NRG1: variants seen among roughly 807,000 people sequenced by gnomAD.
NRG1 encodes the protein pro-neuregulin-1, membrane-bound isoform.
In NRG1, 18 loss-of-function variants were observed where a neutral mutation model predicts 63.8. That is an observed-to-expected ratio of 0.28 (90% CI 0.19 to 0.42). The LOEUF (loss-of-function observed/expected upper bound fraction) is 0.42. Among genes scored for constraint, NRG1 ranks in the 10% least tolerant of loss-of-function variants. NRG1 has a pLI of 1.00. For missense variants in NRG1, 762 were observed against 814.7 expected (o/e 0.94, Z 0.79); for synonymous variants, 302 against 301.3 (o/e 1.00, Z -0.02).
At chr8:32,429,082 A>C (rs899258724) in intron 1 of NRG1, among the ~76,000 whole-genome samples, 9 of 152,044 alleles carry the variant, frequency 5.9e-5, no homozygotes, top group Non-Finnish European at 1.2e-4. Flanking sequence ...CAACATAGTC[A>C]CGTTGGACAT....
chr8:32,451,973 G>A (rs1290142343), intron 1 of NRG1, among the ~76,000 whole-genome samples: 1 of 151,986 alleles, frequency 6.6e-6, no homozygotes, highest in Non-Finnish European at 1.5e-5. Flanking sequence ...TCACAGGCTC[G>A]TGCTACCACG....
At chr8:32,467,769 A>G (rs1443232618) in intron 1 of NRG1, among the ~76,000 whole-genome samples, 1 of 152,172 alleles carries the variant, frequency 6.6e-6, no homozygotes, top group African/African-American at 2.4e-5. Flanking sequence ...GACAGCCAGA[A>G]CTGGTATGAT....
intron 1 of NRG1, among the ~76,000 whole-genome samples, chr8:32,267,218 T>C (rs995450709): frequency 6.6e-6 from 1 of 151,990 alleles, no homozygotes; most frequent in Non-Finnish European, 1.5e-5. Flanking sequence ...AAAAATATTC[T>C]TTCCATCCAT....
At chr8:31,860,356 G>A (rs957742506) in intron 1 of NRG1, among the ~76,000 whole-genome samples, 5 of 152,170 alleles carry the variant, frequency 3.3e-5, no homozygotes, top group Admixed American at 1.3e-4. Context: ...TATAATAGGA[G>A]AGCAGTTTTG....
At chr8:32,158,299 A>C (rs1293784843) in intron 1 of NRG1, among the ~76,000 whole-genome samples, 1 of 151,290 alleles carries the variant, frequency 6.6e-6, no homozygotes, top group African/African-American at 2.4e-5. Flanking sequence ...CTCTCTACTT[A>C]TCCGTCTGGG....
At chr8:32,364,053 C>G (rs1371704773) in intron 1 of NRG1, among the ~76,000 whole-genome samples, 1 of 137,480 alleles carries the variant, frequency 7.3e-6, no homozygotes, top group Non-Finnish European at 1.5e-5. Flanking sequence ...ACTATTAACA[C>G]TTTGGCGTAC....
intron 1 of NRG1, among the ~76,000 whole-genome samples, chr8:31,917,266 A>G (rs1833479855): frequency 6.9e-6 from 1 of 145,746 alleles, no homozygotes; most frequent in Non-Finnish European, 1.5e-5. Context: ...TGTTTTAGAC[A>G]TGAAGTTCTT....
intron 1 of NRG1, among the ~76,000 whole-genome samples, chr8:31,727,866 A>T (rs1417974265): frequency 6.6e-6 from 1 of 152,152 alleles, no homozygotes; most frequent in Non-Finnish European, 1.5e-5. Context: ...TACCAACATC[A>T]CTGCTCTTGT....
rs12676130 is a variant in NRG1, at chr8:32,637,928, A to G, written c.502+21043A>G. On this transcript the variant is annotated intron_variant, in intron 5 of 11. Transcript: ENST00000356819. ...AGTGGTCGTGGGAGCATTAAAGAGT[A>G]AACTTTCAAGTAGAAATGGTCCAGG... Among the ~76,000 whole-genome samples the G allele has an allele frequency of 0.048, 7,256 of 152,266 alleles. 1,019 individuals carry two copies. The East Asian group carries it at 0.54, about 11-fold the overall frequency.
intron 1 of NRG1, among the ~76,000 whole-genome samples, chr8:32,417,466 A>G (rs1381618334): frequency 6.6e-6 from 1 of 152,082 alleles, no homozygotes; most frequent in Non-Finnish European, 1.5e-5. Context: ...ATATTATAGG[A>G]TAGAATGTAT....
chr8:32,024,578 A>G (rs1369191571), intron 1 of NRG1, among the ~76,000 whole-genome samples: 1 of 152,202 alleles, frequency 6.6e-6, no homozygotes, highest in Non-Finnish European at 1.5e-5. Context: ...AATAAAAATT[A>G]CCTCAAGCTT....
chr8:32,580,939 A>G (rs2129531403), intron 1 of NRG1, among the ~76,000 whole-genome samples: 1 of 152,316 alleles, frequency 6.6e-6, no homozygotes, highest in South Asian at 2.1e-4. Context: ...TAAATAGAAA[A>G]GGAGTTATGT....
intron 1 of NRG1, among the ~76,000 whole-genome samples, chr8:31,693,801 G>T (rs1415933613): frequency 6.6e-6 from 1 of 152,104 alleles, no homozygotes; most frequent in East Asian, 1.9e-4. Context: ...GTCATAAATT[G>T]CCGTAGTTTC....
rs71208193 is a variant in NRG1 at position 32,537,195 on chromosome 8, CAAAAAAAAAAAAA to C, written c.38-58620_38-58608del. ...TCAGTGGCACAGTGAGACTCCATCTCAAAAAAAAAAAAAAAAAAAAAAAAAGAATTCTGTTTGT... is the reference window on the plus strand; with the variant it reads ...TCAGTGGCACAGTGAGACTCCATCTCAAAAAAAAAAAAGAATTCTGTTTGT... On this transcript the variant is annotated intron_variant, in intron 1 of 10. Transcript: ENST00000519301. Among the ~76,000 whole-genome samples, 112 of 43,830 alleles carry C rather than the reference CAAAAAAAAAAAAA, an allele frequency of 2.6e-3. 1 individual carries two copies. The highest frequency in any genetic ancestry group is 8.1e-3 in the Admixed American group (19 of 2,332). 28.8% of individuals were successfully genotyped at this position (43,830 alleles called of 152,430 possible). A position where few individuals can be genotyped will look rare whatever the true frequency, so the allele number is the denominator to read the frequency against.
Position 32,309,606 on chromosome 8 carries a change from T to A in NRG1, c.38-286222T>A, listed in dbSNP as rs1170830547. Among the ~76,000 whole-genome samples, 4 of 152,224 alleles carry A rather than the reference T, an allele frequency of 2.6e-5. No homozygotes were observed. In the East Asian group the frequency reaches 7.7e-4, roughly 29 times the overall value. ...GATTGGGGGTGATCACTGGCTCTCCTACAGTTATGCCCTATTGTTTTTTTT... is the reference window on the plus strand; with the variant it reads ...GATTGGGGGTGATCACTGGCTCTCCAACAGTTATGCCCTATTGTTTTTTTT... On this transcript the variant is annotated intron_variant, in intron 1 of 10. Transcript: ENST00000519301.
intron 1 of NRG1, among the ~76,000 whole-genome samples, chr8:32,462,366 G>A (rs1030006922): frequency 2.6e-5 from 4 of 152,114 alleles, no homozygotes; most frequent in Non-Finnish European, 4.4e-5. Flanking sequence ...GGCAGTTTCA[G>A]CAGCTAGGTT....
At chr8:32,511,710 C>T (rs4733346) in intron 1 of NRG1, among the ~76,000 whole-genome samples, 17,797 of 151,916 alleles carry the variant, frequency 0.12, 1,312 homozygotes, top group Admixed American at 0.25. Flanking sequence ...GTCAGCCATA[C>T]GTGCTCATGG....
At chr8:31,969,221 T>C (rs567233257) in intron 1 of NRG1, among the ~76,000 whole-genome samples, 3 of 152,364 alleles carry the variant, frequency 2.0e-5, no homozygotes, top group South Asian at 2.1e-4. Flanking sequence ...ATGAAAGTAC[T>C]GTGAAGTTTC....
At chr8:32,275,485 T>C (rs7845146) in intron 1 of NRG1, among the ~76,000 whole-genome samples, 2 of 151,784 alleles carry the variant, frequency 1.3e-5, no homozygotes, top group Admixed American at 6.6e-5. Flanking sequence ...TCTACAGTGG[T>C]CAGGGAAGCC....
Sources: allele counts gnomAD v4.1 joint callset (sites outside exome capture counted in the v4.1 genomes callset), GRCh38; gene constraint gnomAD v4.1.1; transcripts MANE v1.5; gene names NCBI Gene and HGNC (gene_info 2026-07-23, HGNC 2026-07-21).